Variants in ANKS6 observed in about 807,000 individuals in gnomAD.
ANKS6 encodes ankyrin repeat and sterile alpha motif domain containing 6, also known as ankyrin repeat and SAM domain-containing protein 6.
ANKS6 carries 47 observed loss-of-function variants against 77.9 expected under a neutral mutation model. The ratio of observed to expected loss-of-function variants is 0.60; its 90% CI spans 0.48 to 0.77. The LOEUF is 0.77. Ranked by LOEUF, ANKS6 falls within the 30% of genes least tolerant of loss-of-function variation. The probability of loss-of-function intolerance (pLI) is 0.00; values close to 1 mark genes in which losing one functional copy is unlikely to be tolerated. For missense variants in ANKS6, 1,150 were observed against 1,159.1 expected (o/e 0.99, Z 0.11); for synonymous variants, 488 against 501.7 (o/e 0.97, Z 0.37).
In ANKS6 at chr9:98,768,195, G is replaced by A. The variant is rs371700083; in HGVS notation, c.2028C>T (p.Ala676=). ...SQIAAQRKKA[A]GLLEQKPSHR... Reference sequence around the variant, plus strand: ...GGCTGGGTTTCTGCTCCAATAATCCGGCTGCTTTTTTCCTCTGGGCAGCGA... The same window carrying A: ...GGCTGGGTTTCTGCTCCAATAATCCAGCTGCTTTTTTCCTCTGGGCAGCGA... The change falls in exon 11 of 15, where the codon GCC becomes GCT. Residue 676 remains alanine (A), a synonymous_variant. Coordinates refer to ENST00000353234, the MANE Select transcript of ANKS6 (RefSeq NM_173551.5). 22 of 1,613,978 alleles carry A rather than the reference G, an allele frequency of 1.4e-5. No individual in the cohort carries two copies. The African/African-American group carries it at 2.3e-4, about 17-fold the overall frequency.
In ANKS6 at chr9:98,782,585, T is replaced by C. The variant is rs987056086; in HGVS notation, c.1113-12A>G. 1.2e-5 allele frequency: 19 copies of C among 1,608,026 alleles called. No homozygotes were observed. The highest frequency in any genetic ancestry group is 1.5e-5 in the Non-Finnish European group (18 of 1,174,734). On this transcript the variant is annotated splice_polypyrimidine_tract_variant and intron_variant, in intron 4 of 14. Transcript: ENST00000353234. ...CAATTTCCTTATTCCTGGGAAAAAA[T>C]GCTAGAGTTACATTCACTGAAAGCA...
intron 8 of ANKS6, 70 bp from the exon 9 acceptor site, chr9:98,774,150 G>A: frequency 1.5e-6 from 2 of 1,310,322 alleles, no homozygotes; most frequent in Non-Finnish European, 2.0e-6. Flanking sequence ...AAGACTCCAT[G>A]TTTTTCCTGC....
intron 2 of ANKS6, among the ~76,000 whole-genome samples, chr9:98,785,362 C>A (rs1202648766): frequency 2.6e-5 from 4 of 152,222 alleles, no homozygotes; most frequent in Non-Finnish European, 5.9e-5. Flanking sequence ...AGAGCCAATG[C>A]TCATATTTTC....
At chr9:98,787,030 C>CA (rs2118150277) in intron 2 of ANKS6, among the ~76,000 whole-genome samples, 1 of 152,332 alleles carries the variant, frequency 6.6e-6, no homozygotes, top group South Asian at 2.1e-4. Context: ...AGTGGGGAGT[C>CA]AGAGGTGTCG....
At chr9:98,774,149 T>C in intron 8 of ANKS6, 69 bp from the exon 9 acceptor site, 2 of 1,299,164 alleles carry the variant, frequency 1.5e-6, no homozygotes, top group Admixed American at 3.2e-5. Flanking sequence ...AAAGACTCCA[T>C]GTTTTTCCTG....
At chr9:98,772,544 C>G (rs1223035439) in intron 9 of ANKS6, among the ~76,000 whole-genome samples, 2 of 152,188 alleles carry the variant, frequency 1.3e-5, no homozygotes, top group African/African-American at 4.8e-5. Flanking sequence ...TGTTGGTCCT[C>G]TACTGTGGGC....
rs1465135155 is a variant in ANKS6, at chr9:98,778,370, G to C, written c.1423C>G (p.Leu475Val). The C allele has an allele frequency of 4.3e-6, 7 of 1,614,080 alleles. No homozygotes were observed. The highest frequency in any genetic ancestry group is 5.9e-6 in the Non-Finnish European group (7 of 1,180,054). The change falls in exon 7 of 15, where the codon CTG becomes GTG. Residue 475 changes from leucine to valine, a missense_variant. By Grantham distance (32) the Leu-to-Val change is conservative. Coordinates refer to ENST00000353234, the MANE Select transcript of ANKS6 (RefSeq NM_173551.5). ...TGGTTGCTGGACAGCCCACGGGGCA[G>C]CGTCTGCATCAGTTTGAGCTTTCGG... ...RFRKLKLMQT[L>V]PRGLSSNQPL...
At position 98,790,343 on chromosome 9, in the gene ANKS6, C is replaced by T. The variant is rs780586485; in HGVS notation, c.623G>A (p.Arg208His). The T allele has an allele frequency of 2.8e-5, 45 of 1,612,394 alleles. No homozygotes were observed. The highest frequency in any genetic ancestry group is 1.6e-4 in the Middle Eastern group (1 of 6,082). The change falls in exon 2 of 15, where the codon CGT (arginine) becomes CAT (histidine). Residue 208 changes from arginine to histidine, a missense_variant. Transcript: ENST00000353234. ...GTCCGCGCCCCACTCCATCAGTAGA[C>T]GCACCACGGCCTCGTGCCCGTGCTG... Reference protein sequence around the residue: ...AIQHGHEAVVRLLMEWGADPN... With the variant: ...AIQHGHEAVVHLLMEWGADPN...
Position 98,735,743 on chromosome 9 carries a change from C to G in ANKS6, c.*776G>C, listed in dbSNP as rs1045642922. On this transcript the variant is annotated 3_prime_UTR_variant, in exon 15 of 15. Transcript: ENST00000353234. The stretch of plus-strand genomic sequence containing the variant: ...AAGAAGAAGGGATCCACACAGCAGG[C>G]CTCCACTTCTTTCCTTCTATAATAG... The G allele has an allele frequency of 5.7e-6, 7 of 1,231,644 alleles. No homozygotes were observed. The African/African-American group carries it at 1.1e-4, about 19-fold the overall frequency. 76.3% of individuals were successfully genotyped at this position (1,231,644 alleles called of 1,614,324 possible). A position where few individuals can be genotyped will look rare whatever the true frequency, so the allele number is the denominator to read the frequency against.
intron 14 of ANKS6, among the ~76,000 whole-genome samples, chr9:98,742,419 T>C (rs964144718): frequency 2.0e-5 from 3 of 152,234 alleles, no homozygotes; most frequent in Non-Finnish European, 4.4e-5. Flanking sequence ...GCAGTTGCAG[T>C]GCTAACTTAA....
intron 2 of ANKS6, among the ~76,000 whole-genome samples, chr9:98,786,442 C>T (rs1385551984): frequency 1.3e-5 from 2 of 152,092 alleles, no homozygotes; most frequent in Non-Finnish European, 2.9e-5. Context: ...CAGGCACCCA[C>T]CACCGCATCT....
At chr9:98,741,780 A>C (rs1423590946) in intron 14 of ANKS6, among the ~76,000 whole-genome samples, 1 of 152,200 alleles carries the variant, frequency 6.6e-6, no homozygotes. Context: ...GAGGGTCCAC[A>C]ACGTTTTGCT....
Position 98,790,456 on chromosome 9 carries a change from C to T in ANKS6, c.510G>A (p.Val170=), listed in dbSNP as rs1179935918. Residue 170 remains valine, a synonymous_variant, in exon 2 of 15, where the codon GTG becomes GTA. Transcript: ENST00000353234. ...VKLLLEAGAF[V]DHHHPSGEQL... The stretch of plus-strand genomic sequence containing the variant: ...GCTCGCCTGAAGGGTGGTGATGGTC[C>T]ACAAAGGCACCGGCTTCCAGGAGCA... 1.2e-6 allele frequency: 2 copies of T among 1,613,826 alleles called. No homozygotes were observed. The highest frequency in any genetic ancestry group is 1.7e-5 in the Admixed American group (1 of 60,000).
chr9:98,733,050 G>A lies in ANKS6; in HGVS notation c.*3469C>T. ...TTTCCCTGAGCTGTATACCCAGCAGGCTTCATCACCACACCATCTCACCGA... is the reference window on the plus strand; with the variant it reads ...TTTCCCTGAGCTGTATACCCAGCAGACTTCATCACCACACCATCTCACCGA... On this transcript the variant is annotated 3_prime_UTR_variant, in exon 15 of 15. Transcript: ENST00000353234. 2 of 813,328 alleles carry A rather than the reference G, an allele frequency of 2.5e-6. No homozygotes were observed. Among genetic ancestry groups the A allele is most frequent in the Non-Finnish European group, 3.0e-6 (2 of 669,678 alleles). The allele number at this position is 813,328 out of a possible 1,614,324, so 50.4% of individuals were successfully genotyped here.
chr9:98,736,019 AG>A lies in ANKS6; in HGVS notation c.*499del, dbSNP rs1588307585. ...ATACATACCCCCCATCTAAGTCAAA[AG>A]TTGTTGCTGGGAAGCCACTATGTGG... On this transcript the variant is annotated 3_prime_UTR_variant, in exon 15 of 15. Coordinates refer to ENST00000353234, the MANE Select transcript of ANKS6 (RefSeq NM_173551.5). 2.1e-5 allele frequency: 25 copies of A among 1,207,288 alleles called. No homozygotes were observed. The East Asian group carries it at 8.3e-4, about 40-fold the overall frequency. The allele number at this position is 1,207,288 out of a possible 1,614,324, so 74.8% of individuals were successfully genotyped here. A position where few individuals can be genotyped will look rare whatever the true frequency, so the allele number is the denominator to read the frequency against.
At chr9:98,759,519 T>C (rs1228762653) in intron 11 of ANKS6, among the ~76,000 whole-genome samples, 6 of 152,210 alleles carry the variant, frequency 3.9e-5, no homozygotes, top group Admixed American at 1.3e-4. Flanking sequence ...AAGCCCCAGA[T>C]TGTTTTACCT....
In ANKS6 at chr9:98,732,550, A is replaced by G. The variant is rs1235996862; in HGVS notation, c.*3969T>C. On this transcript the variant is annotated 3_prime_UTR_variant, in exon 15 of 15. Coordinates refer to ENST00000353234, the MANE Select transcript of ANKS6 (RefSeq NM_173551.5). ...TTCTTCTGGCCTCACCCACCCAACC[A>G]TGGCTACGTCAGGGCAGAAGGGAGA... 6.4e-7 allele frequency: 1 copy of G among 1,550,564 alleles called. No homozygotes were observed. The highest frequency in any genetic ancestry group is 2.4e-5 in the East Asian group (1 of 40,916).
At chr9:98,790,700 C>G (rs1178920165) in intron 1 of ANKS6, 94 bp from the exon 2 acceptor site, 13 of 1,475,086 alleles carry the variant, frequency 8.8e-6, no homozygotes, top group Non-Finnish European at 1.2e-5. Flanking sequence ...TTAGTCCTGA[C>G]AGCTGCTCAT....
In ANKS6 at chr9:98,733,994, G is replaced by T; in HGVS notation, c.*2525C>A. On this transcript the variant is annotated 3_prime_UTR_variant, in exon 15 of 15. Coordinates refer to ENST00000353234, the MANE Select transcript of ANKS6 (RefSeq NM_173551.5). ...TGTGGGAAGGGAAGGGGGTGATCAA[G>T]GACCAAAAATCAGAAAAACAAGCAC... 2 of 985,302 alleles carry T rather than the reference G, an allele frequency of 2.0e-6. No individual in the cohort carries two copies. The highest frequency in any genetic ancestry group is 2.4e-6 in the Non-Finnish European group (2 of 829,934). The allele number at this position is 985,302 out of a possible 1,614,324, so 61.0% of individuals were successfully genotyped here.
Sources: gnomAD v4.1 joint callset for allele counts (sites outside exome capture counted in the v4.1 genomes callset) on GRCh38, gnomAD v4.1.1 for gene constraint, MANE v1.5 for transcripts, NCBI Gene and HGNC (gene_info 2026-07-23, HGNC 2026-07-21) for gene names.